KNL1: variants seen among roughly 807,000 people sequenced by gnomAD.
The protein encoded by KNL1 is kinetochore scaffold 1.
KNL1 carries 66 observed loss-of-function variants against 201.3 expected under a neutral mutation model. The observed-to-expected ratio is 0.33, with a 90% CI of 0.27 to 0.40. KNL1 has a LOEUF of 0.40. KNL1 is among the 10% of genes least tolerant of loss of function. The probability of loss-of-function intolerance (pLI) is 1.00; values close to 1 mark genes in which losing one functional copy is unlikely to be tolerated. For missense variants in KNL1, 2,815 were observed against 2,690.5 expected, an observed-to-expected ratio of 1.05 and a Z score of -1.02; for synonymous variants, 895 against 899.2, an observed-to-expected ratio of 1.00 and a Z score of 0.08.
rs1219551662 is a variant in KNL1 at position 40,618,979 on chromosome 15, G to C, written c.343G>C (p.Ala115Pro). The change falls in exon 9 of 26, where the codon GCT becomes CCT. Residue 115 changes from alanine to proline, a missense_variant. Transcript: ENST00000399668. Reference protein sequence around the residue: ...EITGMNTLLSAPIHTQMQQKE... With the variant: ...EITGMNTLLSPPIHTQMQQKE... ...AATAGGGATGAACACATTGCTTTCTGCTCCCATTCATACCCAGATGCAACA... is the reference window on the plus strand; with the variant it reads ...AATAGGGATGAACACATTGCTTTCTCCTCCCATTCATACCCAGATGCAACA... 6.2e-7 allele frequency: 1 copy of C among 1,606,772 alleles called. No homozygotes were observed. Among genetic ancestry groups the C allele is most frequent in the African/African-American group, 1.3e-5 (1 of 74,852 alleles).
Position 40,659,330 on chromosome 15 carries a change from C to G in KNL1, c.6714-9C>G, listed in dbSNP as rs1893834259. 4 of 1,598,404 alleles carry G rather than the reference C, an allele frequency of 2.5e-6. No homozygotes were observed. Among genetic ancestry groups the G allele is most frequent in the Non-Finnish European group, 2.6e-6 (3 of 1,170,672 alleles). ...TTGCATTTTTAATTGTGGATCTTGTCTTTTACAGATTGAGACTTTTATTCT... is the reference window on the plus strand; with the variant it reads ...TTGCATTTTTAATTGTGGATCTTGTGTTTTACAGATTGAGACTTTTATTCT... On this transcript the variant is annotated splice_polypyrimidine_tract_variant and intron_variant, in intron 24 of 25. Coordinates refer to ENST00000399668, the MANE Select transcript of KNL1 (RefSeq NM_144508.5).
chr15:40,621,620 G>C lies in KNL1; in HGVS notation c.1356G>C (p.Leu452Phe). 3 of 1,611,744 alleles carry C rather than the reference G, an allele frequency of 1.9e-6. No homozygotes were observed. Among genetic ancestry groups the C allele is most frequent in the Non-Finnish European group, 2.5e-6 (3 of 1,178,968 alleles). The change falls in exon 10 of 26, where the codon TTG becomes TTC. Residue 452 changes from leucine to phenylalanine, a missense_variant. Coordinates refer to ENST00000399668, the MANE Select transcript of KNL1 (RefSeq NM_144508.5). ...CAAATATGAGAGAGGAGAAAAATTTGCTAAAGCATGACAGTAATTATGCTA... is the reference window on the plus strand; with the variant it reads ...CAAATATGAGAGAGGAGAAAAATTTCCTAAAGCATGACAGTAATTATGCTA... ...CLSNMREEKN[L>F]LKHDSNYAKM...
In KNL1 at chr15:40,662,204, T is replaced by C. The variant is rs780409908; in HGVS notation, c.*16T>C. On this transcript the variant is annotated 3_prime_UTR_variant, in exon 26 of 26. Transcript: ENST00000399668. Reference sequence around the variant, plus strand: ...CTACCACTAGACCCTTGGACCACCATTGGAACAACCAAGCAGAATGTACTT... The same window carrying C: ...CTACCACTAGACCCTTGGACCACCACTGGAACAACCAAGCAGAATGTACTT... The C allele has an allele frequency of 3.7e-6, 5 of 1,360,042 alleles. No individual in the cohort carries two copies. Among genetic ancestry groups the C allele is most frequent in the South Asian group, 2.3e-5 (2 of 85,678 alleles). The allele number at this position is 1,360,042 out of a possible 1,614,324, so 84.2% of individuals were successfully genotyped here.
intron 24 of KNL1, among the ~76,000 whole-genome samples, chr15:40,658,508 A>G (rs1346503807): frequency 1.6e-5 from 2 of 125,664 alleles, no homozygotes; most frequent in Non-Finnish European, 3.2e-5. Context: ...AGCCTGGGTG[A>G]CAGAGTGAGA....
rs760013269 is a variant in KNL1 at position 40,657,457 on chromosome 15, G to T, written c.6697G>T (p.Asp2233Tyr). Residue 2233 changes from aspartate to tyrosine, a missense_variant, in exon 24 of 26, where the codon GAT becomes TAT. Physicochemically the swap from Asp to Tyr is radical, Grantham distance 160 (BLOSUM62 -3). Transcript: ENST00000399668. ...ACCAAATTATAACCTAATGAACATAGATATTAATAATAATGAGTAAGTGTA... is the reference window on the plus strand; with the variant it reads ...ACCAAATTATAACCTAATGAACATATATATTAATAATAATGAGTAAGTGTA... ...WGPNYNLMNIDINNNELRLLF... is the reference protein window; with the variant it reads ...WGPNYNLMNIYINNNELRLLF... 2 of 1,464,958 alleles carry T rather than the reference G, an allele frequency of 1.4e-6. No homozygotes were observed. Among genetic ancestry groups the T allele is most frequent in the Non-Finnish European group, 9.6e-7 (1 of 1,044,348 alleles). The allele number at this position is 1,464,958 out of a possible 1,614,324, so 90.7% of individuals were successfully genotyped here. A position where few individuals can be genotyped will look rare whatever the true frequency, so the allele number is the denominator to read the frequency against.
rs566648697 is a variant in KNL1, at chr15:40,622,343, A to G, written c.2079A>G (p.Gln693=). The change falls in exon 10 of 26, where the codon CAA becomes CAG. Residue 693 remains glutamine, a synonymous_variant. Transcript: ENST00000399668. ...ITNRNTVSWE[Q]SLFSTTKPLF... ...ATAGAAATACAGTATCATGGGAACAATCTTTGTTTTCTACCACAAAGCCAT... is the reference window on the plus strand; with the variant it reads ...ATAGAAATACAGTATCATGGGAACAGTCTTTGTTTTCTACCACAAAGCCAT... The G allele has an allele frequency of 3.1e-5, 50 of 1,613,942 alleles. No homozygotes were observed. The African/African-American group carries it at 5.9e-4, about 19-fold the overall frequency.
rs757537955 is a variant in KNL1 at position 40,623,203 on chromosome 15, G to A, written c.2939G>A (p.Arg980Lys). The change falls in exon 10 of 26, where the codon AGG (arginine) becomes AAG (lysine). Residue 980 changes from arginine to lysine, a missense_variant. Arg to Lys is a conservative substitution (Grantham distance 26). Around this residue, in one of 3 missense-constraint regions of KNL1, gnomAD observed 2,464 missense variants for 2,291.7 expected, o/e 1.08. Coordinates refer to ENST00000399668, the MANE Select transcript of KNL1 (RefSeq NM_144508.5). ...AGACCTAACTTTGAACTATCCCAAA[G>A]GAAAAGCCTAGGAACACCAACAGTG... ...TDRPNFELSQ[R>K]KSLGTPTVIC... is the part of the protein sequence containing the mutation. 6 of 1,613,874 alleles carry A rather than the reference G, an allele frequency of 3.7e-6. No homozygotes were observed. The East Asian group carries it at 1.1e-4, about 30-fold the overall frequency.
intron 17 of KNL1, among the ~76,000 whole-genome samples, chr15:40,648,997 T>A (rs1336429272): frequency 1.9e-5 from 1 of 53,454 alleles, no homozygotes; most frequent in East Asian, 3.7e-4. Context: ...GCCCTGCTAA[T>A]TTTTTTTTTT....
At chr15:40,640,289 G>T (rs563933481) in intron 13 of KNL1, among the ~76,000 whole-genome samples, 27 of 151,710 alleles carry the variant, frequency 1.8e-4, no homozygotes, top group African/African-American at 5.8e-4. Flanking sequence ...TAGAGACAGG[G>T]TTTCACCTAT....
intron 14 of KNL1, 102 bp downstream of exon 14, chr15:40,641,129 A>C: frequency 1.4e-6 from 1 of 712,678 alleles, no homozygotes; most frequent in Non-Finnish European, 2.3e-6. Context: ...CATGGGGTAA[A>C]ATTGATGGCA....
intron 13 of KNL1, among the ~76,000 whole-genome samples, chr15:40,639,798 G>A (rs1405102013): frequency 1.3e-5 from 2 of 151,744 alleles, no homozygotes; most frequent in African/African-American, 2.4e-5. Flanking sequence ...GTCATAGCTG[G>A]AGACAGTGGC....
In KNL1 at chr15:40,642,244, G is replaced by A. The variant is rs966503475; in HGVS notation, c.5798+1217G>A. 2.0e-4 allele frequency among the ~76,000 whole-genome samples: 30 copies of A among 151,874 alleles called. 1 individual carries two copies. The highest frequency in any genetic ancestry group is 7.0e-4 in the African/African-American group (29 of 41,360). On this transcript the variant is annotated intron_variant, in intron 14 of 25. Transcript: ENST00000399668. ...GAAACCCCGTCGCTACTAAAAATAC[G>A]AAAAATTAGCCGGGCGCGGTAGCAG...
intron 25 of KNL1, among the ~76,000 whole-genome samples, chr15:40,661,743 T>A (rs942442390): frequency 6.6e-6 from 1 of 151,656 alleles, no homozygotes; most frequent in Non-Finnish European, 1.5e-5. Flanking sequence ...TAAGATTTTT[T>A]AAAAAATTGA....
chr15:40,644,172 TAGG>T (rs1893318621), intron 14 of KNL1, among the ~76,000 whole-genome samples: 2 of 152,156 alleles, frequency 1.3e-5, no homozygotes, highest in Non-Finnish European at 2.9e-5. Flanking sequence ...AGGAATGTAG[TAGG>T]AGAGCAGGGT....
chr15:40,624,267 G>A lies in KNL1; in HGVS notation c.4003G>A (p.Val1335Met), dbSNP rs753143289. ...KDEEKANYCP[V>M]QNDLAYANDF... ...TGAGGAAAAAGCCAATTATTGCCCA[G>A]TGCAAAATGATCTTGCTTATGCAAA... is the stretch of plus-strand genomic sequence containing the variant. Residue 1335 changes from valine to methionine, a missense_variant, in exon 10 of 26, where the codon GTG (valine) becomes ATG (methionine). Physicochemically the swap from Val to Met is conservative, Grantham distance 21. Around this residue, in one of 3 missense-constraint regions of KNL1, gnomAD observed 2,464 missense variants for 2,291.7 expected, o/e 1.08. Transcript: ENST00000399668. 4 of 1,614,020 alleles carry A rather than the reference G, an allele frequency of 2.5e-6. No individual in the cohort carries two copies. The highest frequency in any genetic ancestry group is 2.2e-5 in the East Asian group (1 of 44,872).
chr15:40,637,885 C>G lies in KNL1; in HGVS notation c.5683-3027C>G, dbSNP rs541979154. Among the ~76,000 whole-genome samples, 194 of 151,470 alleles carry G rather than the reference C, an allele frequency of 1.3e-3. 1 individual carries two copies. The South Asian group carries it at 0.015, about 11-fold the overall frequency. On this transcript the variant is annotated intron_variant, in intron 13 of 25. Transcript: ENST00000399668. ...ATTCCAAAAATCTGAAAAAAAAAAT[C>G]CAAAATACTTAGCTGGGCATGGTGG...
At position 40,629,380 on chromosome 15, in the gene KNL1, A is replaced by G. The variant is rs555486549; in HGVS notation, c.5682+9A>G. The G allele has an allele frequency of 7.8e-5, 121 of 1,549,344 alleles. No individual in the cohort carries two copies. The highest frequency in any genetic ancestry group is 3.9e-4 in the Admixed American group (20 of 51,138). On this transcript the variant is annotated intron_variant, in intron 13 of 25. Transcript: ENST00000399668. ...GCAATCTCCCAGGCAATGTAAGTGC[A>G]GTTTCTTGGCAAAATGTTTGCATCA... is the stretch of plus-strand genomic sequence containing the variant.
intron 14 of KNL1, among the ~76,000 whole-genome samples, chr15:40,641,750 A>T (rs1250575661): frequency 6.6e-6 from 1 of 152,246 alleles, no homozygotes; most frequent in African/African-American, 2.4e-5. Context: ...GGTCCCAAGC[A>T]TTTCAGATAA....
At chr15:40,661,095 C>T (rs533314360) in intron 25 of KNL1, among the ~76,000 whole-genome samples, 133 of 150,178 alleles carry the variant, frequency 8.9e-4, no homozygotes, top group Non-Finnish European at 1.4e-3. Flanking sequence ...TCACCTAGGC[C>T]GGGCATGGTG....
Sources: gnomAD v4.1 joint callset for allele counts (sites outside exome capture counted in the v4.1 genomes callset) on GRCh38, gnomAD v4.1.1 for gene constraint, gnomAD v4.1.1 regional missense constraint, MANE v1.5 for transcripts, NCBI Gene and HGNC (gene_info 2026-07-23, HGNC 2026-07-21) for gene names.